HERC4: variants seen among roughly 807,000 people sequenced by gnomAD.
HERC4 encodes probable E3 ubiquitin-protein ligase HERC4.
A neutral mutation model predicts 124.3 loss-of-function variants in HERC4; 28 were observed. The observed-to-expected ratio is 0.23, with a 90% CI of 0.17 to 0.31. The LOEUF (loss-of-function observed/expected upper bound fraction) is 0.31. Ranked by LOEUF, HERC4 falls within the 10% of genes least tolerant of loss-of-function variation. The pLI, the probability that HERC4 is intolerant of heterozygous loss-of-function variation, is 1.00. For missense variants in HERC4, 713 were observed against 1,229.3 expected (o/e 0.58, Z 6.28); for synonymous variants, 407 against 421.5 (o/e 0.97, Z 0.42).
At chr10:67,959,202 A>G in intron 16 of HERC4, 1 of 1,414,716 alleles carries the variant, frequency 7.1e-7, no homozygotes, top group Non-Finnish European at 9.7e-7. Context: ...AAATTTAACT[A>G]TTTCTATTCA....
At position 68,047,939 on chromosome 10, in the gene HERC4, T is replaced by G. The variant is rs592114; in HGVS notation, c.227-3376A>C. Among the ~76,000 whole-genome samples the G allele has an allele frequency of 5.5e-3, 839 of 152,166 alleles. 10 individuals carry two copies. The highest frequency in any genetic ancestry group is 0.018 in the African/African-American group (755 of 41,512). ...GAATGTTTTGTTTTTGTTTTTTTTT[T>G]TGTGAGACAGGGTCTCACCCTGTTG... is the stretch of plus-strand genomic sequence containing the variant. On this transcript the variant is annotated intron_variant, in intron 3 of 24. Coordinates refer to ENST00000373700, the MANE Select transcript of HERC4 (RefSeq NM_015601.4).
chr10:68,027,715 G>C (rs1383174674), intron 7 of HERC4, among the ~76,000 whole-genome samples: 1 of 152,094 alleles, frequency 6.6e-6, no homozygotes, highest in African/African-American at 2.4e-5. Flanking sequence ...TTGAGGACAG[G>C]AGATCAAGGC....
rs535193928 is a variant in HERC4 at position 67,988,758 on chromosome 10, A to G, written c.1711T>C (p.Leu571=). 3.7e-6 allele frequency: 6 copies of G among 1,607,738 alleles called. No homozygotes were observed. In the South Asian group the frequency reaches 6.7e-5, roughly 18 times the overall value. The stretch of plus-strand genomic sequence containing the variant: ...GGAATACCGATCTTGTAGAGTTTCA[A>G]AAGATGTACCACAACTTCCTTAAAA... ...ELFKEVVVHL[L]KLYKIGIPPS... The change falls in exon 15 of 25, where the codon TTG becomes CTG. Residue 571 remains leucine (L), a synonymous_variant. Coordinates refer to ENST00000373700, the MANE Select transcript of HERC4 (RefSeq NM_015601.4).
intron 3 of HERC4, among the ~76,000 whole-genome samples, chr10:68,058,332 ACTGT>A (rs562429434): frequency 2.6e-5 from 4 of 152,228 alleles, no homozygotes; most frequent in Non-Finnish European, 5.9e-5. Context: ...CAGGAAGACA[ACTGT>A]CTGTTGAATA....
At chr10:68,073,555 T>C in intron 2 of HERC4, 102 bp downstream of exon 2, 1 of 160,020 alleles carries the variant, frequency 6.2e-6, no homozygotes, top group South Asian at 1.8e-4. Flanking sequence ...AAATAAGACA[T>C]CTTTCCTCTG....
chr10:67,965,329 A>C (rs1301739560), intron 16 of HERC4: 1 of 152,130 alleles, frequency 6.6e-6, no homozygotes, highest in African/African-American at 2.4e-5. Flanking sequence ...TGCCCAGTAG[A>C]TTACGAATTC....
intron 23 of HERC4, among the ~76,000 whole-genome samples, chr10:67,930,212 T>C (rs140625195): frequency 3.3e-5 from 5 of 152,258 alleles, no homozygotes; most frequent in African/African-American, 1.2e-4. Flanking sequence ...GTTTCCAGTT[T>C]TTCACTCATT....
intron 18 of HERC4, 21 bp downstream of exon 18, chr10:67,954,942 C>G (rs767677124): frequency 1.8e-5 from 29 of 1,578,602 alleles, no homozygotes; most frequent in Admixed American, 3.9e-5. Flanking sequence ...CCCAATTATA[C>G]CACAGAAAAT....
At chr10:67,980,061 A>G (rs1173614499) in intron 15 of HERC4, among the ~76,000 whole-genome samples, 2 of 152,260 alleles carry the variant, frequency 1.3e-5, no homozygotes, top group East Asian at 3.8e-4. Flanking sequence ...CATGACATTT[A>G]AAGTATTGAA....
chr10:67,960,529 G>A (rs1323491653), intron 16 of HERC4, among the ~76,000 whole-genome samples: 1 of 152,108 alleles, frequency 6.6e-6, no homozygotes, highest in Non-Finnish European at 1.5e-5. Flanking sequence ...GGGATTATAG[G>A]CATGTGCCAC....
chr10:68,027,045 CTAAAT>C (rs1325477634), intron 7 of HERC4, among the ~76,000 whole-genome samples: 3 of 152,054 alleles, frequency 2.0e-5, no homozygotes, highest in Non-Finnish European at 4.4e-5. Flanking sequence ...AATTAAATAA[CTAAAT>C]TATAACTAAA....
At position 68,059,494 on chromosome 10, in the gene HERC4, C is replaced by T. The variant is rs76581482; in HGVS notation, c.226+13389G>A. On this transcript the variant is annotated intron_variant, in intron 3 of 24. Transcript: ENST00000373700. ...TATATTATAATATTATATATTATAA[C>T]ATTATATATTATAATATTATATATC... 9.9e-3 allele frequency among the ~76,000 whole-genome samples: 679 copies of T among 68,382 alleles called. 7 individuals are homozygous for T. The highest frequency in any genetic ancestry group is 0.021 in the African/African-American group (245 of 11,850). The allele number at this position is 68,382 out of a possible 152,430, so 44.9% of individuals were successfully genotyped here.
intron 23 of HERC4, 93 bp from the exon 24 acceptor site, chr10:67,925,280 G>C (rs2030768818): frequency 3.1e-6 from 2 of 641,044 alleles, no homozygotes; most frequent in Non-Finnish European, 5.4e-6. Flanking sequence ...TTTGCAACTT[G>C]TGCAATTCAA....
At chr10:68,001,409 C>G (rs960089179) in intron 9 of HERC4, among the ~76,000 whole-genome samples, 1 of 151,896 alleles carries the variant, frequency 6.6e-6, no homozygotes, top group Non-Finnish European at 1.5e-5. Context: ...ACCCATGGCA[C>G]TGGCCACACA....
intron 19 of HERC4, among the ~76,000 whole-genome samples, chr10:67,942,471 C>T (rs554931720): frequency 4.4e-4 from 67 of 152,224 alleles, no homozygotes; most frequent in Non-Finnish European, 7.9e-4. Context: ...GACAGTCAAG[C>T]ATATTGCTAA....
chr10:67,937,858 C>A (rs951256480), intron 21 of HERC4, among the ~76,000 whole-genome samples: 2 of 151,450 alleles, frequency 1.3e-5, no homozygotes, highest in African/African-American at 4.8e-5. Context: ...ATTTTTGTAT[C>A]TTTAGTAGAG....
chr10:67,992,711 C>T, intron 9 of HERC4, 29 bp from the exon 10 acceptor site: 1 of 1,134,644 alleles, frequency 8.8e-7, no homozygotes, highest in Non-Finnish European at 1.3e-6. Context: ...AAATTAAAAG[C>T]CAAGATTTAC....
chr10:67,928,932 G>C (rs1343117509), intron 23 of HERC4, among the ~76,000 whole-genome samples: 1 of 151,670 alleles, frequency 6.6e-6, no homozygotes, highest in East Asian at 1.9e-4. Context: ...AAAAAAAAAA[G>C]AGTTGCCTCC....
intron 1 of HERC4, 191 bp from the exon 2 acceptor site, chr10:68,073,877 AAATC>A (rs2041683668): frequency 6.6e-6 from 1 of 152,006 alleles, no homozygotes; most frequent in Non-Finnish European, 1.5e-5. Context: ...TTTTAAAACT[AAATC>A]AATGTGCATA....
Sources: allele counts gnomAD v4.1 joint callset (sites outside exome capture counted in the v4.1 genomes callset), GRCh38; gene constraint gnomAD v4.1.1; transcripts MANE v1.5; gene names NCBI Gene and HGNC (gene_info 2026-07-23, HGNC 2026-07-21).